CPSF7: variants seen among roughly 807,000 people sequenced by gnomAD.
The protein encoded by CPSF7 is cleavage and polyadenylation specificity factor subunit 7.
A neutral mutation model predicts 44.3 loss-of-function variants in CPSF7; 1 was observed. The ratio of observed to expected loss-of-function variants is 0.02; its 90% CI spans 0.01 to 0.11. The LOEUF (loss-of-function observed/expected upper bound fraction) is 0.11. Among genes scored for constraint, CPSF7 ranks in the 10% least tolerant of loss-of-function variants. CPSF7 has a pLI of 1.00. For missense variants in CPSF7, 443 were observed against 607.2 expected (o/e 0.73, Z 2.84); for synonymous variants, 202 against 222.0 (o/e 0.91, Z 0.80).
chr11:61,415,655 C>T lies in CPSF7; in HGVS notation c.1057+11G>A, dbSNP rs1860257003. On this transcript the variant is annotated intron_variant, in intron 7 of 9. Coordinates refer to ENST00000439958, the MANE Select transcript of CPSF7 (RefSeq NM_001142565.3). ...TTAAGGAGAAGGCAGCAAAGGTAAGCACTGAGTTACCTGCACTGGCTCCAG... is the reference window on the plus strand; with the variant it reads ...TTAAGGAGAAGGCAGCAAAGGTAAGTACTGAGTTACCTGCACTGGCTCCAG... The T allele has an allele frequency of 2.6e-6, 4 of 1,546,710 alleles. No homozygotes were observed. The Admixed American group carries it at 5.0e-5, about 19-fold the overall frequency.
chr11:61,410,865 G>A, intron 9 of CPSF7, 73 bp downstream of exon 9: 1 of 1,430,854 alleles, frequency 7.0e-7, no homozygotes, highest in Non-Finnish European at 9.3e-7. Flanking sequence ...GCTTTAAAGA[G>A]AGAGAATTCT....
rs543505873 is a variant in CPSF7 at position 61,416,169 on chromosome 11, C to A, written c.874G>T (p.Ala292Ser). Residue 292 changes from alanine (A) to serine (S), a missense_variant, in exon 6 of 10, where the codon GCT (alanine) becomes TCT (serine). By Grantham distance (99) the Ala-to-Ser change is moderately conservative. Transcript: ENST00000439958. ...LNPAFFPPPN[A>S]TVGPPPDTYM... ...GTATCTGGTGGAGGCCCCACTGTAG[C>A]GTTTGGTGGGGGGAAGAAGGCTGGA... is the stretch of plus-strand genomic sequence containing the variant. 2.6e-6 allele frequency: 4 copies of A among 1,515,642 alleles called. No homozygotes were observed. Among genetic ancestry groups the A allele is most frequent in the African/African-American group, 1.4e-5 (1 of 71,342 alleles). 93.9% of individuals were successfully genotyped at this position (1,515,642 alleles called of 1,614,324 possible). A position where few individuals can be genotyped will look rare whatever the true frequency, so the allele number is the denominator to read the frequency against.
chr11:61,409,628 A>G (rs1859668387), intron 9 of CPSF7, among the ~76,000 whole-genome samples: 1 of 151,474 alleles, frequency 6.6e-6, no homozygotes, highest in Admixed American at 6.6e-5. Flanking sequence ...CTCTCTGACT[A>G]AAGCATATTA....
chr11:61,426,871 C>T (rs868806415), intron 2 of CPSF7: 1 of 151,954 alleles, frequency 6.6e-6, no homozygotes, highest in Non-Finnish European at 1.5e-5. Flanking sequence ...ACTAAAAATA[C>T]AAAAATTAGC....
chr11:61,429,850 G>T, intron 1 of CPSF7, 64 bp downstream of exon 1: 1 of 1,542,906 alleles, frequency 6.5e-7, no homozygotes. Flanking sequence ...CCCCCTTCCC[G>T]CCTCAGTGCC....
chr11:61,413,706 G>C (rs528921166), intron 7 of CPSF7, among the ~76,000 whole-genome samples: 9 of 152,156 alleles, frequency 5.9e-5, no homozygotes, highest in African/African-American at 2.2e-4. Flanking sequence ...AGTAATGCCT[G>C]GCTCAGGGAT....
At position 61,417,039 on chromosome 11, in the gene CPSF7, GCACTT is replaced by G. The variant is rs933905395; in HGVS notation, c.524-525_524-521del. ...GAGAGGGAGTGGCAGGAACTGGATG[GCACTT>G]CTATTTACATACTAAAACTAGTAAT... On this transcript the variant is annotated intron_variant, in intron 5 of 9. Coordinates refer to ENST00000439958, the MANE Select transcript of CPSF7 (RefSeq NM_001142565.3). Among the ~76,000 whole-genome samples the G allele has an allele frequency of 1.6e-4, 24 of 152,272 alleles. 1 individual carries two copies. Among genetic ancestry groups the G allele is most frequent in the African/African-American group, 5.8e-4 (24 of 41,536 alleles).
chr11:61,429,655 G>C (rs1262763354), intron 1 of CPSF7: 1 of 1,345,332 alleles, frequency 7.4e-7, no homozygotes, highest in Non-Finnish European at 1.0e-6. Context: ...AGGCGGCTCC[G>C]GCCAGAGCCC....
chr11:61,415,752 C>T lies in CPSF7; in HGVS notation c.971G>A (p.Ser324Asn), dbSNP rs764941275. The change falls in exon 7 of 10, where the codon AGT becomes AAT. Residue 324 changes from serine (S) to asparagine (N), a missense_variant. Physicochemically the swap from Ser to Asn is conservative, Grantham distance 46. Transcript: ENST00000439958. ...CATGATATCTTCAAATTCGGCTTCA[C>T]TCACTGTAGAGGGTGGAGGGCCCGA... ...RDSGPPPSTV[S>N]EAEFEDIMKR... 6 of 1,614,012 alleles carry T rather than the reference C, an allele frequency of 3.7e-6. No individual in the cohort carries two copies. The highest frequency in any genetic ancestry group is 1.1e-5 in the South Asian group (1 of 91,086).
At chr11:61,418,843 C>T (rs540786231) in intron 5 of CPSF7, among the ~76,000 whole-genome samples, 25 of 152,026 alleles carry the variant, frequency 1.6e-4, no homozygotes, top group East Asian at 1.4e-3. Context: ...CTCAGACTCC[C>T]GAGTAGCTGA....
intron 5 of CPSF7, among the ~76,000 whole-genome samples, chr11:61,418,406 T>C (rs1213079914): frequency 3.9e-5 from 6 of 152,194 alleles, no homozygotes; most frequent in Non-Finnish European, 8.8e-5. Flanking sequence ...TCCTCAGGTT[T>C]CTCAGGTTCA....
chr11:61,411,224 CTGCTG>C lies in CPSF7; in HGVS notation c.1227-124_1227-120del. 4 of 1,012,722 alleles carry C rather than the reference CTGCTG, an allele frequency of 3.9e-6. No homozygotes were observed. The East Asian group carries it at 1.0e-4, about 26-fold the overall frequency. 62.7% of individuals were successfully genotyped at this position (1,012,722 alleles called of 1,614,324 possible). A position where few individuals can be genotyped will look rare whatever the true frequency, so the allele number is the denominator to read the frequency against. On this transcript the variant is annotated intron_variant, in intron 8 of 9. Coordinates refer to ENST00000439958, the MANE Select transcript of CPSF7 (RefSeq NM_001142565.3). ...ATTCCTCTATTACTCTATCATGGGC[CTGCTG>C]TCTGAGGATTTTAGCTCTTTGAGGA...
chr11:61,426,265 A>C (rs915305853), intron 2 of CPSF7, among the ~76,000 whole-genome samples: 1 of 152,170 alleles, frequency 6.6e-6, no homozygotes, highest in Non-Finnish European at 1.5e-5. Context: ...TCTAAAACAC[A>C]ATTTGTACTG....
At position 61,415,756 on chromosome 11, in the gene CPSF7, C is replaced by T. The variant is rs758062445; in HGVS notation, c.967G>A (p.Val323Met). ...ATATCTTCAAATTCGGCTTCACTCA[C>T]TGTAGAGGGTGGAGGGCCCGAATCT... ...SRDSGPPPST[V>M]SEAEFEDIMK... The change falls in exon 7 of 10, where the codon GTG becomes ATG. Residue 323 changes from valine (V) to methionine (M), a missense_variant. Physicochemically the swap from Val to Met is conservative, Grantham distance 21. Coordinates refer to ENST00000439958, the MANE Select transcript of CPSF7 (RefSeq NM_001142565.3). The T allele has an allele frequency of 6.2e-7, 1 of 1,614,016 alleles. No homozygotes were observed. Among genetic ancestry groups the T allele is most frequent in the Non-Finnish European group, 8.5e-7 (1 of 1,179,848 alleles).
Position 61,416,132 on chromosome 11 carries a change from G to T in CPSF7, c.911C>A (p.Ala304Asp), listed in dbSNP as rs1241115864. The change falls in exon 6 of 10, where the codon GCC becomes GAC. Residue 304 changes from alanine (A) to aspartate (D), a missense_variant. Coordinates refer to ENST00000439958, the MANE Select transcript of CPSF7 (RefSeq NM_001142565.3). ...VGPPPDTYMK[A>D]SAPYNHHGSR... ...GCCATGGTGGTTATAGGGGGCAGAG[G>T]CCTTCATGTAAGTATCTGGTGGAGG... is the stretch of plus-strand genomic sequence containing the variant. 6.6e-7 allele frequency: 1 copy of T among 1,509,506 alleles called. No individual in the cohort carries two copies. Among genetic ancestry groups the T allele is most frequent in the South Asian group, 1.4e-5 (1 of 73,544 alleles). The allele number at this position is 1,509,506 out of a possible 1,614,324, so 93.5% of individuals were successfully genotyped here.
intron 2 of CPSF7, chr11:61,426,782 C>T: frequency 2.0e-5 from 3 of 152,258 alleles, no homozygotes; most frequent in Non-Finnish European, 2.9e-5. Context: ...AATCCCAGCA[C>T]TTTGGGAGGC....
chr11:61,426,574 T>TAA (rs1861363954), intron 2 of CPSF7: 1 of 152,228 alleles, frequency 6.6e-6, no homozygotes, highest in South Asian at 2.1e-4. Flanking sequence ...AAGTCCTTTT[T>TAA]AACTGAGGAG....
At position 61,403,710 on chromosome 11, in the gene CPSF7, A is replaced by G. The variant is rs969311159; in HGVS notation, c.*1000T>C. 5.9e-5 allele frequency: 9 copies of G among 152,178 alleles called. No homozygotes were observed. The highest frequency in any genetic ancestry group is 2.2e-4 in the African/African-American group (9 of 41,442). 9.4% of individuals were successfully genotyped at this position (152,178 alleles called of 1,614,324 possible). On this transcript the variant is annotated 3_prime_UTR_variant, in exon 10 of 10. Transcript: ENST00000439958. ...CTTACATCAAACCTGAAAAAAGAAA[A>G]GCCTATGGAAGTAGGCCATATCCTG...
At chr11:61,427,659 A>G (rs947577106) in intron 2 of CPSF7, among the ~76,000 whole-genome samples, 7 of 151,688 alleles carry the variant, frequency 4.6e-5, no homozygotes, top group African/African-American at 1.7e-4. Context: ...TCTCAAGAAA[A>G]AAAAAAAAAA....
Sources: allele counts gnomAD v4.1 joint callset (sites outside exome capture counted in the v4.1 genomes callset), GRCh38; gene constraint gnomAD v4.1.1; transcripts MANE v1.5; gene names NCBI Gene and HGNC (gene_info 2026-07-23, HGNC 2026-07-21).